Variants in MACF1 observed in about 807,000 individuals in gnomAD.
The protein encoded by MACF1 is microtubule-actin cross-linking factor 1.
Under a neutral mutation model 854.8 loss-of-function variants are expected in MACF1, and 193 were observed. The ratio of observed to expected loss-of-function variants is 0.23; its 90% confidence interval spans 0.20 to 0.25. The LOEUF (loss-of-function observed/expected upper bound fraction) is 0.25, where lower values mean the gene tolerates loss of function less well. Ranked by LOEUF, MACF1 falls within the 10% of genes least tolerant of loss-of-function variation. The pLI, the probability that MACF1 is intolerant of heterozygous loss-of-function variation, is 1.00. For missense variants in MACF1, 7,722 were observed against 8,929.1 expected, an observed-to-expected ratio of 0.86 and a Z score of 5.45; for synonymous variants, 3,185 against 3,226.7, an observed-to-expected ratio of 0.99 and a Z score of 0.44.
In MACF1 at chr1:39,444,828, A is replaced by G. The variant is rs140123363; in HGVS notation, c.19598A>G (p.Glu6533Gly). ...CATGTGGTCAGCAGTAAGATGGAAG[A>G]AAGAAAGGTACAGTGTATGATCCCC... The part of the protein sequence containing the change: ...KWHVVSSKME[E>G]RKSKLEEALN... The change falls in exon 80 of 101, where the codon GAA becomes GGA. Residue 6533 changes from glutamate (E) to glycine (G), a missense_variant. Glu to Gly is a moderately conservative substitution (Grantham distance 98). Transcript: ENST00000564288. The G allele has an allele frequency of 1.2e-6, 2 of 1,605,768 alleles. No individual in the cohort carries two copies. The highest frequency in any genetic ancestry group is 2.7e-5 in the African/African-American group (2 of 74,782).
At position 39,332,948 on chromosome 1, in the gene MACF1, G is replaced by A; in HGVS notation, c.6360G>A (p.Val2120=). The A allele has an allele frequency of 1.2e-6, 2 of 1,614,138 alleles. No homozygotes were observed. The highest frequency in any genetic ancestry group is 1.7e-6 in the Non-Finnish European group (2 of 1,180,016). The change falls in exon 37 of 101, where the codon GTG becomes GTA. Residue 2120 remains valine (V), a synonymous_variant. Coordinates refer to ENST00000564288, the MANE Select transcript of MACF1 (RefSeq NM_001394062.1). Reference sequence around the variant, plus strand: ...CCCAAAGGGAAGACCAAACAGCAGTGTCTGTCAGAGAAAATGCCAGCAGGG... The same window carrying A: ...CCCAAAGGGAAGACCAAACAGCAGTATCTGTCAGAGAAAATGCCAGCAGGG... The part of the protein sequence containing the change: ...IGTQREDQTA[V]SVRENASRGH...
At chr1:39,263,471 T>G (rs1485071410) in intron 6 of MACF1, among the ~76,000 whole-genome samples, 1 of 152,246 alleles carries the variant, frequency 6.6e-6, no homozygotes, top group Non-Finnish European at 1.5e-5. Context: ...CAGATCCTTA[T>G]GTGTGTAGTT....
At chr1:39,370,273 G>A (rs1438530249) in intron 51 of MACF1, 87 bp downstream of exon 51, 16 of 1,237,662 alleles carry the variant, frequency 1.3e-5, no homozygotes, top group Admixed American at 1.2e-4. Flanking sequence ...GTGGGGAAAT[G>A]TATGAGAAAT....
At chr1:39,478,903 G>A (rs1014158448) in intron 97 of MACF1, among the ~76,000 whole-genome samples, 1 of 152,200 alleles carries the variant, frequency 6.6e-6, no homozygotes, top group Non-Finnish European at 1.5e-5. Context: ...GAGGTAGAGG[G>A]TTTCTGCAGG....
chr1:39,283,613 G>A lies in MACF1; in HGVS notation c.915+98G>A, dbSNP rs948263567. ...CTTAAGCACTTATGGTATACTCATG[G>A]TATCAAACTATATATCCAGTATCTT... On this transcript the variant is annotated intron_variant, in intron 9 of 100. Transcript: ENST00000564288. The surrounding 1 kb of genome is among the most constrained non-coding windows in gnomAD (Gnocchi z 4.5). 1 of 816,496 alleles carries A rather than the reference G, an allele frequency of 1.2e-6. No individual in the cohort carries two copies. The highest frequency in any genetic ancestry group is 1.7e-5 in the African/African-American group (1 of 58,660). The allele number at this position is 816,496 out of a possible 1,614,324, so 50.6% of individuals were successfully genotyped here. A position where few individuals can be genotyped will look rare whatever the true frequency, so the allele number is the denominator to read the frequency against.
At chr1:39,381,598 G>A (rs565097116) in intron 55 of MACF1, among the ~76,000 whole-genome samples, 3 of 152,058 alleles carry the variant, frequency 2.0e-5, no homozygotes, top group Admixed American at 2.0e-4. Flanking sequence ...TGAACTCTTG[G>A]GCTCAAGTGA....
chr1:39,362,001 G>C (rs111841534), intron 49 of MACF1, among the ~76,000 whole-genome samples: 68 of 152,184 alleles, frequency 4.5e-4, no homozygotes, highest in African/African-American at 1.4e-3. Context: ...GTGGTAAAAG[G>C]GCATATTATA....
At chr1:39,237,219 A>AG (rs1644869555) in intron 2 of MACF1, among the ~76,000 whole-genome samples, 1 of 151,986 alleles carries the variant, frequency 6.6e-6, no homozygotes, top group Non-Finnish European at 1.5e-5. Context: ...CCTGACCATC[A>AG]CCCACTTCAC....
rs543928098 is a variant in MACF1, at chr1:39,309,460, T to C, written c.2790-110T>C. On this transcript the variant is annotated intron_variant, in intron 23 of 100. Transcript: ENST00000564288. ...TATTTGACTTGTTGCCTTTCTCTGC[T>C]CAACATATAAGCTCAATTCTGCTAA... The C allele has an allele frequency of 6.9e-6, 9 of 1,308,572 alleles. No homozygotes were observed. The East Asian group carries it at 1.7e-4, about 24-fold the overall frequency. 81.1% of individuals were successfully genotyped at this position (1,308,572 alleles called of 1,614,324 possible).
chr1:39,196,598 C>G lies in MACF1; in HGVS notation c.221-34584C>G, dbSNP rs76855990. Among the ~76,000 whole-genome samples, 1,060 of 152,230 alleles carry G rather than the reference C, an allele frequency of 7.0e-3. 3 individuals carry two copies. The highest frequency in any genetic ancestry group is 0.011 in the Non-Finnish European group (733 of 68,018). On this transcript the variant is annotated intron_variant, in intron 2 of 93. Transcript: ENST00000361689. ...CTATTCCCTCTACCAAATTTATAAT[C>G]TTAGGTATATTTATTGTATTTTTTA...
intron 60 of MACF1, among the ~76,000 whole-genome samples, chr1:39,423,451 C>T (rs1047139845): frequency 1.3e-5 from 2 of 151,760 alleles, no homozygotes; most frequent in Non-Finnish European, 1.5e-5. Flanking sequence ...CTGGCTAACA[C>T]GGTGAAACCC....
chr1:39,229,004 A>G (rs1644749058), intron 1 of MACF1, among the ~76,000 whole-genome samples: 1 of 152,240 alleles, frequency 6.6e-6, no homozygotes, highest in Non-Finnish European at 1.5e-5. Flanking sequence ...GGCAGAAGTT[A>G]CAAGGAAAGC....
At chr1:39,430,929 G>C in intron 66 of MACF1, 21 bp downstream of exon 66, 1 of 1,588,172 alleles carries the variant, frequency 6.3e-7, no homozygotes, top group Non-Finnish European at 8.6e-7. Context: ...TAATACCTCT[G>C]CATTAATATT....
At chr1:39,156,050 G>A (rs1643678268) in intron 2 of MACF1, among the ~76,000 whole-genome samples, 1 of 152,182 alleles carries the variant, frequency 6.6e-6, no homozygotes, top group Non-Finnish European at 1.5e-5. Context: ...ACCGCACCCA[G>A]CTAATTTTTT....
At chr1:39,127,711 A>G (rs1325609696) in intron 2 of MACF1, among the ~76,000 whole-genome samples, 1 of 152,196 alleles carries the variant, frequency 6.6e-6, no homozygotes, top group Non-Finnish European at 1.5e-5. Context: ...GGGGTCAGGG[A>G]AGTGACCTTT....
Position 39,309,107 on chromosome 1 carries a change from T to C in MACF1, c.2790-463T>C, listed in dbSNP as rs1008389981. 2.0e-5 allele frequency among the ~76,000 whole-genome samples: 3 copies of C among 152,252 alleles called. 1 individual carries two copies. Among genetic ancestry groups the C allele is most frequent in the Non-Finnish European group, 4.4e-5 (3 of 68,038 alleles). On this transcript the variant is annotated intron_variant, in intron 23 of 100. Coordinates refer to ENST00000564288, the MANE Select transcript of MACF1 (RefSeq NM_001394062.1). ...GGGATGTTGTTTATGCCTTTCCCTA[T>C]TATTGTTCTCTCTGGTTATTTCTTC...
upstream of MACF1, among the ~76,000 whole-genome samples, chr1:39,201,201 A>G (rs1644385917): frequency 6.6e-6 from 1 of 152,186 alleles, no homozygotes; most frequent in African/African-American, 2.4e-5. Context: ...GTAATTACAG[A>G]ATTTGAACAC....
chr1:39,269,005 G>C, intron 6 of MACF1: 7 of 1,288,068 alleles, frequency 5.4e-6, no homozygotes, highest in African/African-American at 4.5e-5. Flanking sequence ...GTCGATCGGG[G>C]GATGATAGTA....
intron 66 of MACF1, among the ~76,000 whole-genome samples, chr1:39,431,143 A>G (rs1643870242): frequency 6.6e-6 from 1 of 152,224 alleles, no homozygotes; most frequent in Non-Finnish European, 1.5e-5. Context: ...AGAAGAGTCT[A>G]CATGAGGCCT....
Sources: allele counts gnomAD v4.1 joint callset (sites outside exome capture counted in the v4.1 genomes callset), GRCh38; gene constraint gnomAD v4.1.1; non-coding constraint Gnocchi (gnomAD v3.1); transcripts MANE v1.5; gene names NCBI Gene and HGNC (gene_info 2026-07-23, HGNC 2026-07-21).